Variants in DPP10 observed in about 807,000 individuals in gnomAD.
DPP10 encodes inactive dipeptidyl peptidase 10.
In DPP10, 33 loss-of-function variants were observed where a neutral mutation model predicts 120.9. The observed-to-expected ratio is 0.27, with a 90% CI of 0.21 to 0.37. The LOEUF (loss-of-function observed/expected upper bound fraction) is 0.37. DPP10 is among the 10% of genes least tolerant of loss of function. DPP10 has a pLI of 1.00. For synonymous variants in DPP10, 337 were observed against 326.1 expected (o/e 1.03, Z -0.36); for missense variants, 816 against 942.8 (o/e 0.87, Z 1.76).
At chr2:115,168,437 C>T (rs1243308206) in intron 1 of DPP10, among the ~76,000 whole-genome samples, 1 of 152,118 alleles carries the variant, frequency 6.6e-6, no homozygotes, top group Non-Finnish European at 1.5e-5. Flanking sequence ...AACTTATATC[C>T]TTATGGATAG....
At chr2:114,475,373 C>G (rs969824097) in intron 1 of DPP10, among the ~76,000 whole-genome samples, 1 of 151,992 alleles carries the variant, frequency 6.6e-6, no homozygotes, top group South Asian at 2.1e-4. Context: ...CAATTTATAC[C>G]CAGTTGTTAT....
At chr2:115,480,521 G>A (rs1171741078) in intron 3 of DPP10, among the ~76,000 whole-genome samples, 2 of 151,996 alleles carry the variant, frequency 1.3e-5, no homozygotes, top group East Asian at 3.9e-4. Context: ...CACTTTGATA[G>A]GAACAAAAAT....
At chr2:114,854,229 A>G (rs1356381684) in intron 1 of DPP10, among the ~76,000 whole-genome samples, 1 of 152,206 alleles carries the variant, frequency 6.6e-6, no homozygotes, top group African/African-American at 2.4e-5. Context: ...GAAGAGATAT[A>G]TTTGTAAAGC....
intron 10 of DPP10, 106 bp from the exon 11 acceptor site, chr2:115,753,068 T>A: frequency 9.7e-7 from 1 of 1,031,998 alleles, no homozygotes; most frequent in Non-Finnish European, 1.4e-6. Context: ...GCAACATCCT[T>A]ATAGTGGTTC....
At chr2:115,628,300 C>A (rs1490328497) in intron 5 of DPP10, among the ~76,000 whole-genome samples, 1 of 151,986 alleles carries the variant, frequency 6.6e-6, no homozygotes, top group Non-Finnish European at 1.5e-5. Context: ...TGCTTCTTGG[C>A]CATATAAATG....
chr2:115,709,567 G>T (rs200788647), intron 7 of DPP10, among the ~76,000 whole-genome samples: 4 of 151,272 alleles, frequency 2.6e-5, no homozygotes, highest in Non-Finnish European at 5.9e-5. Context: ...ACAGATACAC[G>T]AAGAATATTA....
intron 1 of DPP10, among the ~76,000 whole-genome samples, chr2:114,732,199 G>A (rs1306258791): frequency 2.0e-5 from 3 of 152,152 alleles, no homozygotes; most frequent in African/African-American, 7.2e-5. Flanking sequence ...GCCAGAGCCT[G>A]GGAATATTAG....
At chr2:115,588,829 C>A (rs934840707) in intron 5 of DPP10, among the ~76,000 whole-genome samples, 1 of 152,164 alleles carries the variant, frequency 6.6e-6, no homozygotes, top group East Asian at 1.9e-4. Context: ...TTTCCATGCT[C>A]AAGTTTGTAA....
At chr2:115,636,394 A>G (rs2086334984) in intron 5 of DPP10, among the ~76,000 whole-genome samples, 1 of 152,182 alleles carries the variant, frequency 6.6e-6, no homozygotes, top group South Asian at 2.1e-4. Flanking sequence ...ATGAAATGTA[A>G]CGTAGGTTGC....
At chr2:114,974,611 G>T (rs1699628386) in intron 1 of DPP10, among the ~76,000 whole-genome samples, 1 of 151,910 alleles carries the variant, frequency 6.6e-6, no homozygotes. Flanking sequence ...GTTTCCCTAT[G>T]TTGGCCAGGG....
intron 5 of DPP10, among the ~76,000 whole-genome samples, chr2:115,540,355 C>T (rs2079104752): frequency 6.6e-6 from 1 of 151,850 alleles, no homozygotes; most frequent in Non-Finnish European, 1.5e-5. Context: ...AAAACTGGAA[C>T]TTAATCTGTG....
intron 1 of DPP10, among the ~76,000 whole-genome samples, chr2:114,769,597 C>G (rs1046074914): frequency 6.6e-6 from 1 of 152,172 alleles, no homozygotes; most frequent in Non-Finnish European, 1.5e-5. Flanking sequence ...GTTCTATAAA[C>G]AGAACCTAAG....
chr2:115,159,847 C>G (rs1337274870), intron 1 of DPP10, among the ~76,000 whole-genome samples: 1 of 152,080 alleles, frequency 6.6e-6, no homozygotes. Context: ...CAGTTGAACT[C>G]AATCAAATAA....
At chr2:115,410,980 T>A (rs2068910798) in intron 3 of DPP10, among the ~76,000 whole-genome samples, 1 of 152,162 alleles carries the variant, frequency 6.6e-6, no homozygotes, top group African/African-American at 2.4e-5. Context: ...TGTAAAACTT[T>A]TCTGTGGTTA....
intron 5 of DPP10, among the ~76,000 whole-genome samples, chr2:115,541,222 T>G (rs1336040759): frequency 6.6e-6 from 1 of 151,916 alleles, no homozygotes; most frequent in Non-Finnish European, 1.5e-5. Context: ...TTCCAAATTA[T>G]GGGGCAACAT....
In DPP10 at chr2:115,156,827, T is replaced by C. The variant is rs77114793; in HGVS notation, c.61-152412T>C. ...ATGTTTCTAAATACTCCTCCATACA[T>C]AGCAACCTCTGTCATTTGTAGACAA... is the stretch of plus-strand genomic sequence containing the variant. On this transcript the variant is annotated intron_variant, in intron 1 of 25. Coordinates refer to ENST00000410059, the MANE Select transcript of DPP10 (RefSeq NM_020868.6). 3.8e-3 allele frequency among the ~76,000 whole-genome samples: 577 copies of C among 152,290 alleles called. 7 individuals carry two copies. The highest frequency in any genetic ancestry group is 0.013 in the African/African-American group (559 of 41,576).
chr2:115,439,714 T>C (rs1330172329), intron 3 of DPP10, among the ~76,000 whole-genome samples: 5 of 152,144 alleles, frequency 3.3e-5, no homozygotes, highest in East Asian at 1.9e-4. Context: ...TTATCTCTTA[T>C]CCTTAAAGAA....
intron 1 of DPP10, among the ~76,000 whole-genome samples, chr2:114,575,657 A>G (rs1689993849): frequency 6.6e-6 from 1 of 152,190 alleles, no homozygotes; most frequent in African/African-American, 2.4e-5. Context: ...TTAAGGGGCT[A>G]AAATCTGTTA....
At chr2:114,571,897 A>C (rs1689680976) in intron 1 of DPP10, among the ~76,000 whole-genome samples, 1 of 148,474 alleles carries the variant, frequency 6.7e-6, no homozygotes, top group Admixed American at 6.8e-5. Flanking sequence ...ATAATACAAT[A>C]TTTATACTAT....
Sources: allele counts gnomAD v4.1 joint callset (sites outside exome capture counted in the v4.1 genomes callset), GRCh38; gene constraint gnomAD v4.1.1; transcripts MANE v1.5; gene names NCBI Gene and HGNC (gene_info 2026-07-23, HGNC 2026-07-21).